Variants in HDAC9 observed in about 807,000 individuals in gnomAD.
HDAC9 encodes the protein histone deacetylase 9.
In HDAC9, 41 loss-of-function variants were observed where a neutral mutation model predicts 139.4. The observed-to-expected ratio is 0.29, with a 90% CI of 0.23 to 0.38. The LOEUF (loss-of-function observed/expected upper bound fraction) is 0.38. Ranked by LOEUF, HDAC9 falls within the 10% of genes least tolerant of loss-of-function variation. The pLI is 1.00. For missense variants in HDAC9, 1,147 were observed against 1,297.0 expected, an observed-to-expected ratio of 0.88 and a Z score of 1.78; for synonymous variants, 517 against 476.2, an observed-to-expected ratio of 1.09 and a Z score of -1.12.
chr7:18,181,480 C>T (rs1789423110), intron 2 of HDAC9, among the ~76,000 whole-genome samples: 1 of 152,154 alleles, frequency 6.6e-6, no homozygotes, highest in Non-Finnish European at 1.5e-5. Flanking sequence ...CACCAGCATG[C>T]CTCAGTACTT....
intron 17 of HDAC9, among the ~76,000 whole-genome samples, chr7:18,817,015 T>G (rs866532533): frequency 2.7e-5 from 4 of 150,742 alleles, no homozygotes; most frequent in Non-Finnish European, 4.4e-5. Context: ...AACGACTTAA[T>G]ATACCTAGGT....
chr7:18,970,650 T>G (rs139966830), intron 24 of HDAC9, among the ~76,000 whole-genome samples: 243 of 152,290 alleles, frequency 1.6e-3, no homozygotes, highest in African/African-American at 5.6e-3. Context: ...AAAAACGTAT[T>G]AAGTTTTAGA....
chr7:18,996,326 A>C lies in HDAC9; in HGVS notation c.*264A>C, dbSNP rs1173450404. On this transcript the variant is annotated 3_prime_UTR_variant, in exon 26 of 26. Coordinates refer to ENST00000686413, the MANE Select transcript of HDAC9 (RefSeq NM_178425.4). ...AAGAAACTGCTTCCAGCATGCTTTT[A>C]ATATGCTGGGTGACCCACTCCTAGA... is the stretch of plus-strand genomic sequence containing the variant. 2.6e-6 allele frequency: 1 copy of C among 380,218 alleles called. No individual in the cohort carries two copies. The highest frequency in any genetic ancestry group is 4.3e-5 in the Admixed American group (1 of 23,380). 23.6% of individuals were successfully genotyped at this position (380,218 alleles called of 1,614,324 possible).
At chr7:18,417,733 TC>T (rs1427927505) in intron 1 of HDAC9, among the ~76,000 whole-genome samples, 3 of 152,186 alleles carry the variant, frequency 2.0e-5, no homozygotes, top group Non-Finnish European at 4.4e-5. Flanking sequence ...ACAGCATTCT[TC>T]CTGGCCTGTG....
chr7:18,187,457 C>T (rs1422379071), intron 2 of HDAC9, among the ~76,000 whole-genome samples: 5 of 152,152 alleles, frequency 3.3e-5, no homozygotes, highest in African/African-American at 1.2e-4. Flanking sequence ...ACTCAGTAGT[C>T]GTTTGACTTT....
At chr7:18,733,519 A>G (rs1786593262) in intron 13 of HDAC9, among the ~76,000 whole-genome samples, 1 of 151,682 alleles carries the variant, frequency 6.6e-6, no homozygotes, top group African/African-American at 2.4e-5. Flanking sequence ...TCATCTAATA[A>G]TCACTGAAGA....
At chr7:18,238,400 G>T (rs302133) in intron 2 of HDAC9, among the ~76,000 whole-genome samples, 1 of 152,258 alleles carries the variant, frequency 6.6e-6, no homozygotes, top group South Asian at 2.1e-4. Flanking sequence ...TTCTTTGACC[G>T]ATGAACTTTC....
intron 12 of HDAC9, among the ~76,000 whole-genome samples, chr7:18,725,599 G>A (rs2129127456): frequency 6.6e-6 from 1 of 152,244 alleles, no homozygotes; most frequent in African/African-American, 2.4e-5. Flanking sequence ...TTTTTGCCAT[G>A]TCTTACATGG....
chr7:18,381,503 A>C lies in HDAC9; in HGVS notation c.-42+90988A>C, dbSNP rs181141734. Among the ~76,000 whole-genome samples, 19 of 152,164 alleles carry C rather than the reference A, an allele frequency of 1.2e-4. No individual in the cohort carries two copies. In the East Asian group the frequency reaches 3.7e-3, roughly 29 times the overall value. ...ATTTTGGGATCAAAAGGAAATAAAA[A>C]CTAATCACTGACAAGAAAATAGTGG... On this transcript the variant is annotated intron_variant, in intron 1 of 3. Transcript: ENST00000413509.
chr7:18,551,500 G>A (rs1416277976), intron 2 of HDAC9, among the ~76,000 whole-genome samples: 1 of 152,138 alleles, frequency 6.6e-6, no homozygotes, highest in East Asian at 1.9e-4. Context: ...CAGAAAATGA[G>A]ACAAGAAGCA....
chr7:18,623,945 G>A (rs539773729), intron 6 of HDAC9, among the ~76,000 whole-genome samples: 7 of 151,938 alleles, frequency 4.6e-5, no homozygotes, highest in Non-Finnish European at 1.0e-4. Context: ...TTGCAGGGGG[G>A]GTAAAAAAAG....
At chr7:18,320,298 A>G (rs1357832327) in intron 1 of HDAC9, among the ~76,000 whole-genome samples, 1 of 152,208 alleles carries the variant, frequency 6.6e-6, no homozygotes, top group East Asian at 1.9e-4. Context: ...CATTAAATCC[A>G]GTGGTGACAC....
chr7:18,580,527 A>G (rs964470015), intron 2 of HDAC9, among the ~76,000 whole-genome samples: 4 of 152,230 alleles, frequency 2.6e-5, no homozygotes, highest in Non-Finnish European at 5.9e-5. Context: ...GAGTCCAAAT[A>G]AAGCTAGCTT....
At chr7:18,927,613 A>G (rs1012525358) in intron 22 of HDAC9, among the ~76,000 whole-genome samples, 12 of 152,212 alleles carry the variant, frequency 7.9e-5, no homozygotes, top group Non-Finnish European at 1.8e-4. Flanking sequence ...TAGGGCAACA[A>G]TGTGTGACTC....
intron 6 of HDAC9, among the ~76,000 whole-genome samples, chr7:18,622,151 G>T (rs1025087216): frequency 1.3e-5 from 2 of 152,200 alleles, no homozygotes; most frequent in Non-Finnish European, 2.9e-5. Context: ...GGGAGAAACT[G>T]TGTGGAGAAG....
At chr7:18,840,524 C>T (rs1040713996) in intron 21 of HDAC9, among the ~76,000 whole-genome samples, 1 of 151,938 alleles carries the variant, frequency 6.6e-6, no homozygotes, top group Admixed American at 6.6e-5. Flanking sequence ...TTGAAAACTA[C>T]CTATTTTTAT....
intron 2 of HDAC9, among the ~76,000 whole-genome samples, chr7:18,190,264 C>G (rs1790247732): frequency 6.6e-6 from 1 of 152,034 alleles, no homozygotes; most frequent in South Asian, 2.1e-4. Flanking sequence ...TTGTTTAGCT[C>G]ATATGTGATT....
chr7:18,381,932 C>T (rs1785482206), intron 1 of HDAC9, among the ~76,000 whole-genome samples: 1 of 151,930 alleles, frequency 6.6e-6, no homozygotes, highest in Non-Finnish European at 1.5e-5. Flanking sequence ...ACTTTAATGC[C>T]AGTTCATCTC....
intron 1 of HDAC9, chr7:18,430,439 GTGTC>G (rs1790537293): frequency 6.6e-6 from 1 of 152,184 alleles, no homozygotes; most frequent in Admixed American, 6.5e-5. Flanking sequence ...GTCCAGGCTG[GTGTC>G]AAACTCCTGG....
Sources: allele counts gnomAD v4.1 joint callset (sites outside exome capture counted in the v4.1 genomes callset), GRCh38; gene constraint gnomAD v4.1.1; transcripts MANE v1.5; gene names NCBI Gene and HGNC (gene_info 2026-07-23, HGNC 2026-07-21).